NCOA2: variants seen among roughly 807,000 people sequenced by gnomAD.
NCOA2 encodes class E basic helix-loop-helix protein 75.
NCOA2 carries 21 observed loss-of-function variants against 145.1 expected under a neutral mutation model. That is an observed-to-expected ratio of 0.14 (90% confidence interval 0.10 to 0.21). The LOEUF is 0.21. Ranked by LOEUF, NCOA2 falls within the 10% of genes least tolerant of loss-of-function variation. NCOA2 has a pLI of 1.00. For synonymous variants in NCOA2, 619 were observed against 637.5 expected, an observed-to-expected ratio of 0.97 and a Z score of 0.44; for missense variants, 1,472 against 1,837.6, an observed-to-expected ratio of 0.80 and a Z score of 3.64.
intron 4 of NCOA2, among the ~76,000 whole-genome samples, chr8:70,182,962 T>C (rs976949604): frequency 9.9e-5 from 15 of 152,214 alleles, no homozygotes; most frequent in African/African-American, 2.2e-4. Flanking sequence ...ATTATACATA[T>C]TACTACATTT....
chr8:70,439,441 A>G, the NCOA2 span, among the ~76,000 whole-genome samples: 2 of 152,316 alleles, frequency 1.3e-5, no homozygotes, highest in East Asian at 3.9e-4. Context: ...TTTGGGTCTG[A>G]TCAGTCAGAC....
At chr8:70,170,772 G>C (rs1814159203) in intron 5 of NCOA2, among the ~76,000 whole-genome samples, 1 of 152,138 alleles carries the variant, frequency 6.6e-6, no homozygotes, top group African/African-American at 2.4e-5. Context: ...AGGTAATTTT[G>C]ATCTATAGTT....
At chr8:70,374,796 TAAAAAAA>T (rs543953209) in intron 1 of NCOA2, among the ~76,000 whole-genome samples, 1 of 133,350 alleles carries the variant, frequency 7.5e-6, no homozygotes, top group African/African-American at 2.8e-5. Flanking sequence ...GCTGTCTCTT[TAAAAAAA>T]AAAAAAAAGA....
chr8:70,156,757 T>G lies in NCOA2; in HGVS notation c.1608A>C (p.Ala536=). The G allele has an allele frequency of 3.1e-6, 5 of 1,613,966 alleles. No individual in the cohort carries two copies. Among genetic ancestry groups the G allele is most frequent in the Non-Finnish European group, 4.2e-6 (5 of 1,179,884 alleles). The change falls in exon 11 of 23, where the codon GCA becomes GCC. Residue 536 remains alanine, a synonymous_variant. Transcript: ENST00000452400. The part of the protein sequence containing the change: ...SHSYTNSSLN[A]LQALSEGHGV... ...CGTGCCCCTCGCTGAGGGCCTGAAG[T>G]GCATTGAGGGAGCTGTTGGTATAAC...
chr8:70,282,943 T>C (rs1026533097), intron 2 of NCOA2, among the ~76,000 whole-genome samples: 2 of 152,186 alleles, frequency 1.3e-5, no homozygotes, highest in Admixed American at 6.5e-5. Flanking sequence ...AGCACACATA[T>C]GAATGAGTGT....
chr8:70,364,295 T>C (rs1810475977), intron 1 of NCOA2, among the ~76,000 whole-genome samples: 1 of 151,956 alleles, frequency 6.6e-6, no homozygotes, highest in African/African-American at 2.4e-5. Context: ...ACAAAACTCA[T>C]TCTTCAAATA....
intron 1 of NCOA2, among the ~76,000 whole-genome samples, chr8:70,345,027 C>T (rs929298017): frequency 2.0e-5 from 3 of 152,228 alleles, no homozygotes; most frequent in African/African-American, 7.2e-5. Context: ...CGCCTGGAAA[C>T]ATTTAAGCCT....
chr8:70,390,769 A>G (rs1320060106), intron 1 of NCOA2, among the ~76,000 whole-genome samples: 1 of 152,106 alleles, frequency 6.6e-6, no homozygotes. Flanking sequence ...CCCTGTCTCT[A>G]AAACAACAAT....
At chr8:70,185,476 G>C (rs544741108) in intron 4 of NCOA2, among the ~76,000 whole-genome samples, 126 of 152,310 alleles carry the variant, frequency 8.3e-4, no homozygotes, top group African/African-American at 2.9e-3. Flanking sequence ...AAGGCACAGG[G>C]AGAATGGGGC....
At chr8:70,383,043 C>T (rs1812350491) in intron 1 of NCOA2, among the ~76,000 whole-genome samples, 1 of 152,172 alleles carries the variant, frequency 6.6e-6, no homozygotes, top group African/African-American at 2.4e-5. Flanking sequence ...GGTAGAAAGT[C>T]AATTTTCATA....
intron 9 of NCOA2, 35 bp from the exon 10 acceptor site, chr8:70,159,687 GA>G (rs762232765): frequency 2.6e-5 from 41 of 1,556,702 alleles, no homozygotes; most frequent in Middle Eastern, 3.5e-4. Flanking sequence ...GGCACGTTTA[GA>G]AAAAAAAATT....
chr8:70,182,786 GCACCT>G (rs1815636307), intron 4 of NCOA2, among the ~76,000 whole-genome samples: 1 of 152,012 alleles, frequency 6.6e-6, no homozygotes, highest in African/African-American at 2.4e-5. Flanking sequence ...CCAAATTCCT[GCACCT>G]CACAGTTCAT....
At chr8:70,141,707 G>A (rs1487295111) in intron 13 of NCOA2, among the ~76,000 whole-genome samples, 1 of 152,144 alleles carries the variant, frequency 6.6e-6, no homozygotes, top group East Asian at 1.9e-4. Context: ...CTCAGGAAGT[G>A]AATCACATTA....
intron 2 of NCOA2, among the ~76,000 whole-genome samples, chr8:70,291,968 C>T (rs959312058): frequency 4.0e-5 from 6 of 149,494 alleles, no homozygotes; most frequent in Admixed American, 2.7e-4. Flanking sequence ...CCCAGCTACT[C>T]GGGGGCTGAG....
intron 22 of NCOA2, 29 bp downstream of exon 22, chr8:70,121,273 T>C (rs781337849): frequency 5.7e-6 from 9 of 1,567,782 alleles, no homozygotes; most frequent in Non-Finnish European, 7.0e-6. Context: ...TTTACTTCCA[T>C]ATTCATATAT....
chr8:70,334,292 A>C (rs1807371918), intron 1 of NCOA2, among the ~76,000 whole-genome samples: 1 of 152,204 alleles, frequency 6.6e-6, no homozygotes, highest in South Asian at 2.1e-4. Flanking sequence ...TTCCTAACAC[A>C]GCATCTGTTG....
At chr8:70,304,185 C>G (rs777515533) in intron 1 of NCOA2, among the ~76,000 whole-genome samples, 2 of 152,188 alleles carry the variant, frequency 1.3e-5, no homozygotes, top group Non-Finnish European at 2.9e-5. Context: ...TTGTCAATGA[C>G]ACACTGCATA....
intron 1 of NCOA2, among the ~76,000 whole-genome samples, chr8:70,393,917 T>A (rs1182421020): frequency 6.6e-6 from 1 of 152,224 alleles, no homozygotes; most frequent in African/African-American, 2.4e-5. Flanking sequence ...CTTCTATTGT[T>A]GTTGTTCACT....
chr8:70,205,786 T>C (rs1586090866), intron 4 of NCOA2, among the ~76,000 whole-genome samples: 1 of 152,062 alleles, frequency 6.6e-6, no homozygotes, highest in African/African-American at 2.4e-5. Context: ...ATGGTGAGGG[T>C]TCTTCTTTTG....
Sources: gnomAD v4.1 joint callset for allele counts (sites outside exome capture counted in the v4.1 genomes callset) on GRCh38, gnomAD v4.1.1 for gene constraint, MANE v1.5 for transcripts, NCBI Gene and HGNC (gene_info 2026-07-23, HGNC 2026-07-21) for gene names.